CNNM1: variants seen among roughly 807,000 people sequenced by gnomAD.
CNNM1 encodes the protein metal transporter CNNM1.
CNNM1 carries 44 observed loss-of-function variants against 78.8 expected under a neutral mutation model. That is an observed-to-expected ratio of 0.56 (90% CI 0.44 to 0.72). The LOEUF (loss-of-function observed/expected upper bound fraction) is 0.72, where lower values mean the gene tolerates loss of function less well. Ranked by LOEUF, CNNM1 falls within the 30% of genes least tolerant of loss-of-function variation. The pLI is 0.00. For synonymous variants in CNNM1, 584 were observed against 581.5 expected (o/e 1.00, Z -0.06); for missense variants, 1,101 against 1,292.2 (o/e 0.85, Z 2.27).
At chr10:99,343,530 A>G (rs2030547746) in intron 1 of CNNM1, among the ~76,000 whole-genome samples, 1 of 152,116 alleles carries the variant, frequency 6.6e-6, no homozygotes, top group Non-Finnish European at 1.5e-5. Flanking sequence ...TGTCCTGCTC[A>G]ATGTTAGTGA....
intron 1 of CNNM1, among the ~76,000 whole-genome samples, chr10:99,336,615 T>C (rs4919296): frequency 0.86 from 131,134 of 152,260 alleles, 56,787 homozygotes; most frequent in African/African-American, 0.94. Context: ...TCCTTGTCTC[T>C]ATAGAGCTTC....
intron 2 of CNNM1, among the ~76,000 whole-genome samples, chr10:99,359,797 T>G (rs890303876): frequency 1.1e-4 from 17 of 151,992 alleles, no homozygotes; most frequent in African/African-American, 4.1e-4. Flanking sequence ...AGGCGAAGTT[T>G]GGAGAAAACC....
At chr10:99,348,045 TATA>T (rs2030783403) in intron 1 of CNNM1, among the ~76,000 whole-genome samples, 1 of 120,364 alleles carries the variant, frequency 8.3e-6, no homozygotes. Flanking sequence ...TGTGTATATA[TATA>T]TATTTTTTTT....
In CNNM1 at chr10:99,388,165, C is replaced by T. The variant is rs116405851; in HGVS notation, c.2538C>T (p.Asp846=). 9.0e-5 allele frequency: 145 copies of T among 1,613,668 alleles called. No homozygotes were observed. In the African/African-American group the frequency reaches 1.1e-3, roughly 13 times the overall value. The change falls in exon 9 of 11, where the codon GAC becomes GAT. Residue 846 remains aspartate (D), a synonymous_variant. Coordinates refer to ENST00000356713, the MANE Select transcript of CNNM1 (RefSeq NM_020348.3). ...NRNSLPCSRS[D]GLRSPSEVVY... is the part of the protein sequence containing the mutation. ...TGTCCTCCCCAGGCAGCCGCTCAGA[C>T]GGGCTGAGAAGCCCCAGCGAGGTAG...
intron 6 of CNNM1, among the ~76,000 whole-genome samples, chr10:99,371,146 A>G (rs2031789353): frequency 6.6e-6 from 1 of 152,154 alleles, no homozygotes; most frequent in African/African-American, 2.4e-5. Flanking sequence ...AGCAGTGCTA[A>G]TTACGAATCT....
intron 4 of CNNM1, among the ~76,000 whole-genome samples, chr10:99,363,096 A>G (rs2031494809): frequency 6.6e-6 from 1 of 152,230 alleles, no homozygotes; most frequent in Non-Finnish European, 1.5e-5. Flanking sequence ...TGGCTTCACC[A>G]TTAGCTCTGT....
In CNNM1 at chr10:99,391,561, T is replaced by C. The variant is rs765085030; in HGVS notation, c.*45T>C. ...ACTGGGTGTGTGAAATTCCAGAGCT[T>C]TGGGGGAGAATCCACCCTCCCATCA... is the stretch of plus-strand genomic sequence containing the variant. On this transcript the variant is annotated 3_prime_UTR_variant, in exon 11 of 11. Coordinates refer to ENST00000356713, the MANE Select transcript of CNNM1 (RefSeq NM_020348.3). 6.7e-5 allele frequency: 103 copies of C among 1,546,318 alleles called. No homozygotes were observed. Among genetic ancestry groups the C allele is most frequent in the Non-Finnish European group, 8.6e-5 (97 of 1,122,260 alleles).
At chr10:99,346,055 A>C (rs1045018931) in intron 1 of CNNM1, among the ~76,000 whole-genome samples, 1 of 151,692 alleles carries the variant, frequency 6.6e-6, no homozygotes, top group African/African-American at 2.4e-5. Context: ...GAAAGAAGGC[A>C]AAAAAAATAC....
chr10:99,376,735 C>T (rs12265544), intron 6 of CNNM1, among the ~76,000 whole-genome samples: 1 of 152,146 alleles, frequency 6.6e-6, no homozygotes. Context: ...ACCCGTCCCC[C>T]CTGTCTGGGG....
intron 1 of CNNM1, among the ~76,000 whole-genome samples, chr10:99,354,288 G>C (rs576034611): frequency 1.4e-4 from 22 of 152,274 alleles, no homozygotes; most frequent in Non-Finnish European, 3.1e-4. Context: ...TGGCCAAACT[G>C]GGTAGGATGT....
At chr10:99,387,660 A>G (rs1406981473) in intron 7 of CNNM1, among the ~76,000 whole-genome samples, 160 bp from the exon 8 acceptor site, 4 of 152,192 alleles carry the variant, frequency 2.6e-5, no homozygotes, top group Non-Finnish European at 5.9e-5. Flanking sequence ...TCCCTGCTGG[A>G]CTGCTACAGC....
intron 7 of CNNM1, among the ~76,000 whole-genome samples, chr10:99,379,137 G>C (rs913442736): frequency 2.0e-5 from 3 of 152,198 alleles, no homozygotes; most frequent in African/African-American, 7.2e-5. Flanking sequence ...CATGTGATCT[G>C]TGGGGAAAGA....
At chr10:99,384,642 C>G (rs944684594) in intron 7 of CNNM1, among the ~76,000 whole-genome samples, 1 of 152,166 alleles carries the variant, frequency 6.6e-6, no homozygotes, top group African/African-American at 2.4e-5. Flanking sequence ...GAAGTGTGTC[C>G]CATTCACTCA....
intron 2 of CNNM1, among the ~76,000 whole-genome samples, chr10:99,359,923 C>CA (rs71009748): frequency 2.3e-3 from 267 of 115,262 alleles, no homozygotes; most frequent in African/African-American, 5.3e-3. Context: ...TTTCCTCTAC[C>CA]AAAAAAAAAA....
At chr10:99,375,582 A>G (rs1456810602) in intron 6 of CNNM1, among the ~76,000 whole-genome samples, 1 of 152,194 alleles carries the variant, frequency 6.6e-6, no homozygotes, top group East Asian at 1.9e-4. Flanking sequence ...GATTCAACCT[A>G]TTATTTTACT....
chr10:99,356,572 G>GAAAAGA (rs368165193), intron 1 of CNNM1, among the ~76,000 whole-genome samples: 4 of 115,186 alleles, frequency 3.5e-5, no homozygotes, highest in Admixed American at 8.3e-5. Context: ...CAGAAAGAAA[G>GAAAAGA]AAAGAAAGAA....
At chr10:99,378,380 G>GT (rs1222688764) in intron 7 of CNNM1, among the ~76,000 whole-genome samples, 4 of 152,228 alleles carry the variant, frequency 2.6e-5, no homozygotes, top group Non-Finnish European at 5.9e-5. Flanking sequence ...CTGTTGCACA[G>GT]TTGCAGGCTG....
chr10:99,356,216 G>A (rs1210578211), intron 1 of CNNM1, among the ~76,000 whole-genome samples: 1 of 152,060 alleles, frequency 6.6e-6, no homozygotes, highest in African/African-American at 2.4e-5. Flanking sequence ...CGCACTTTGG[G>A]AGGCCGAGGC....
At chr10:99,342,973 TC>T (rs2030520860) in intron 1 of CNNM1, among the ~76,000 whole-genome samples, 2 of 152,268 alleles carry the variant, frequency 1.3e-5, no homozygotes, top group African/African-American at 4.8e-5. Context: ...TTTCTTTCTT[TC>T]TTTTTTTTGA....
Sources: allele counts gnomAD v4.1 joint callset (sites outside exome capture counted in the v4.1 genomes callset), GRCh38; gene constraint gnomAD v4.1.1; transcripts MANE v1.5; gene names NCBI Gene and HGNC (gene_info 2026-07-23, HGNC 2026-07-21).